Variants in ANKS1B observed in about 807,000 individuals in gnomAD.
ANKS1B encodes the protein ankyrin repeat and sterile alpha motif domain containing 1B.
Under a neutral mutation model 148.3 loss-of-function variants are expected in ANKS1B, and 36 were observed. The observed-to-expected ratio is 0.24, with a 90% CI of 0.19 to 0.32. The LOEUF (loss-of-function observed/expected upper bound fraction) is 0.32, where lower values mean the gene tolerates loss of function less well. ANKS1B is among the 10% of genes least tolerant of loss of function. The probability of loss-of-function intolerance (pLI) is 1.00; values close to 1 mark genes in which losing one functional copy is unlikely to be tolerated. For missense variants in ANKS1B, 1,157 were observed against 1,542.6 expected, an observed-to-expected ratio of 0.75 and a Z score of 4.19; for synonymous variants, 542 against 560.8, an observed-to-expected ratio of 0.97 and a Z score of 0.47.
chr12:98,878,476 T>C (rs1042244676), intron 17 of ANKS1B, among the ~76,000 whole-genome samples: 1 of 152,248 alleles, frequency 6.6e-6, no homozygotes, highest in African/African-American at 2.4e-5. Flanking sequence ...ACTGCCCATC[T>C]GGTGATCTGC....
At chr12:98,927,732 G>A (rs1025490547) in intron 17 of ANKS1B, among the ~76,000 whole-genome samples, 1 of 151,694 alleles carries the variant, frequency 6.6e-6, no homozygotes, top group Non-Finnish European at 1.5e-5. Context: ...AAGTTAAGAT[G>A]TTAATTGTAA....
chr12:99,181,728 T>G (rs2079138891), intron 14 of ANKS1B, among the ~76,000 whole-genome samples: 1 of 152,076 alleles, frequency 6.6e-6, no homozygotes, highest in South Asian at 2.1e-4. Flanking sequence ...AGGCATACAA[T>G]GTGTAATGAT....
At chr12:99,891,514 C>G (rs1030997218) in intron 1 of ANKS1B, among the ~76,000 whole-genome samples, 1 of 152,092 alleles carries the variant, frequency 6.6e-6, no homozygotes, top group Non-Finnish European at 1.5e-5. Context: ...GCCACCATGC[C>G]CGGCCCTCGT....
chr12:99,903,372 G>C (rs1249932129), intron 1 of ANKS1B, among the ~76,000 whole-genome samples: 3 of 152,158 alleles, frequency 2.0e-5, no homozygotes, highest in Non-Finnish European at 4.4e-5. Context: ...AGCTGAAAGG[G>C]AAGTTCCCCT....
rs73147324 is a variant in ANKS1B at position 99,429,255 on chromosome 12, C to T, written c.1575+14418G>A. Among the ~76,000 whole-genome samples, 1,120 of 152,296 alleles carry T rather than the reference C, an allele frequency of 7.4e-3. 3 individuals are homozygous for T. The highest frequency in any genetic ancestry group is 0.02 in the Middle Eastern group (6 of 294). On this transcript the variant is annotated intron_variant, in intron 11 of 26. Transcript: ENST00000683438. ...CCAAGGTGAACATCATTTGAAAAAT[C>T]ATTATCACAAATCAAAATCATGCAC...
intron 1 of ANKS1B, among the ~76,000 whole-genome samples, chr12:99,835,260 A>AC (rs2084662404): frequency 6.6e-6 from 1 of 151,420 alleles, no homozygotes; most frequent in Non-Finnish European, 1.5e-5. Flanking sequence ...AAAAAAAAAA[A>AC]AAAAAAACAC....
At chr12:98,809,367 G>T (rs1213928349) in intron 19 of ANKS1B, among the ~76,000 whole-genome samples, 1 of 152,164 alleles carries the variant, frequency 6.6e-6, no homozygotes, top group Non-Finnish European at 1.5e-5. Context: ...GCGTTAGCTG[G>T]ATTACCATCT....
At chr12:98,933,606 C>T (rs766692605) in intron 17 of ANKS1B, among the ~76,000 whole-genome samples, 13 of 152,002 alleles carry the variant, frequency 8.6e-5, no homozygotes, top group African/African-American at 1.2e-4. Flanking sequence ...TACCATTTTA[C>T]GTTCCCACCA....
At chr12:99,629,161 A>T (rs560472962) in intron 9 of ANKS1B, among the ~76,000 whole-genome samples, 4 of 152,258 alleles carry the variant, frequency 2.6e-5, no homozygotes, top group African/African-American at 9.6e-5. Flanking sequence ...AATAGTTACC[A>T]TCTAACCTTT....
At chr12:99,375,977 C>G (rs2093375107) in intron 12 of ANKS1B, among the ~76,000 whole-genome samples, 2 of 152,126 alleles carry the variant, frequency 1.3e-5, no homozygotes, top group Admixed American at 1.3e-4. Flanking sequence ...ATGGAACTAA[C>G]ATAAGAAGTA....
intron 1 of ANKS1B, among the ~76,000 whole-genome samples, chr12:99,889,693 TAA>T (rs1367187659): frequency 6.6e-6 from 1 of 152,204 alleles, no homozygotes; most frequent in African/African-American, 2.4e-5. Flanking sequence ...AAGGGAAATA[TAA>T]GTTTGTGCTC....
intron 17 of ANKS1B, among the ~76,000 whole-genome samples, chr12:98,834,043 G>A (rs1566985787): frequency 2.0e-5 from 3 of 152,048 alleles, no homozygotes; most frequent in Admixed American, 1.3e-4. Context: ...CTCACACTAC[G>A]CCCTATTCCT....
chr12:99,726,446 T>G (rs1221816377), intron 8 of ANKS1B, among the ~76,000 whole-genome samples: 1 of 152,090 alleles, frequency 6.6e-6, no homozygotes, highest in African/African-American at 2.4e-5. Flanking sequence ...AGAAGTCGAA[T>G]CCATAAATAG....
intron 12 of ANKS1B, among the ~76,000 whole-genome samples, chr12:99,259,536 T>A (rs2075692860): frequency 1.3e-5 from 2 of 152,226 alleles, no homozygotes; most frequent in Admixed American, 1.3e-4. Context: ...ACATTTATAA[T>A]CTTTTCTCTT....
intron 10 of ANKS1B, among the ~76,000 whole-genome samples, chr12:99,453,092 C>T (rs974278820): frequency 2.6e-5 from 4 of 152,004 alleles, no homozygotes; most frequent in Admixed American, 6.6e-5. Context: ...AGATCGAGAC[C>T]ATCCTGGCTA....
At chr12:98,805,316 T>TA (rs11435409) in intron 20 of ANKS1B, among the ~76,000 whole-genome samples, 18 of 151,206 alleles carry the variant, frequency 1.2e-4, no homozygotes, top group Non-Finnish European at 2.5e-4. Flanking sequence ...CCTTTTTTTT[T>TA]ATTAAGCACA....
chr12:99,387,822 G>A (rs988338825), intron 12 of ANKS1B, among the ~76,000 whole-genome samples: 1 of 134,958 alleles, frequency 7.4e-6, no homozygotes, highest in African/African-American at 2.9e-5. Flanking sequence ...ATAACAGCCC[G>A]AATGAACTAA....
rs76685586 is a variant in ANKS1B, at chr12:99,273,559, T to C, written c.1757-26695A>G. ...CGTTCTTAAAACATTATCAGATTCT[T>C]TTTTTTTTTTTGCGATTTTTTTTTT... On this transcript the variant is annotated intron_variant, in intron 12 of 26. Transcript: ENST00000683438. Among the ~76,000 whole-genome samples the C allele has an allele frequency of 7.1e-3, 1,040 of 146,194 alleles. 9 individuals carry two copies. Among genetic ancestry groups the C allele is most frequent in the African/African-American group, 0.025 (975 of 39,226 alleles).
chr12:99,050,270 A>G (rs2099965120), intron 17 of ANKS1B, among the ~76,000 whole-genome samples: 1 of 152,188 alleles, frequency 6.6e-6, no homozygotes, highest in Non-Finnish European at 1.5e-5. Flanking sequence ...TCTCATTTTA[A>G]AACCCAGTAA....
Sources: gnomAD v4.1 joint callset for allele counts (sites outside exome capture counted in the v4.1 genomes callset) on GRCh38, gnomAD v4.1.1 for gene constraint, MANE v1.5 for transcripts, NCBI Gene and HGNC (gene_info 2026-07-23, HGNC 2026-07-21) for gene names.